The following LAMA1 variants were observed in gnomAD, a reference collection of about 807,000 sequenced individuals.
LAMA1 encodes laminin subunit alpha-1.
Under a neutral mutation model 348.7 loss-of-function variants are expected in LAMA1, and 219 were observed. The ratio of observed to expected loss-of-function variants is 0.63; its 90% CI spans 0.56 to 0.70. The LOEUF is 0.70. Ranked by LOEUF, LAMA1 falls within the 30% of genes least tolerant of loss-of-function variation. The probability of loss-of-function intolerance (pLI) is 0.00; values close to 1 mark genes in which losing one functional copy is unlikely to be tolerated. For missense variants in LAMA1, 3,744 were observed against 3,888.0 expected (o/e 0.96, Z 0.99); for synonymous variants, 1,487 against 1,491.0 (o/e 1.00, Z 0.06).
chr18:7,045,370 T>A (rs540108701), intron 6 of LAMA1, among the ~76,000 whole-genome samples: 1 of 152,016 alleles, frequency 6.6e-6, no homozygotes, highest in South Asian at 2.1e-4. Flanking sequence ...CTCAGGAGGC[T>A]GAAGCAAGAT....
chr18:7,115,814 CA>C (rs557585224), intron 1 of LAMA1, among the ~76,000 whole-genome samples: 10,844 of 94,712 alleles, frequency 0.11, 1,044 homozygotes, highest in African/African-American at 0.27. Flanking sequence ...ACTAAAAATA[CA>C]AAAAAAAAAA....
rs695175 is a variant in LAMA1 at position 6,949,048 on chromosome 18, A to G, written c.8556+53T>C. On this transcript the variant is annotated intron_variant, in intron 59 of 62. Transcript: ENST00000389658. ...TGCCGTGAGGTATGCTCTTCTACAA[A>G]ATAAACACGAACACAACGAAGGTAA... 8.4e-3 allele frequency: 13,488 copies of G among 1,609,876 alleles called. 934 individuals are homozygous for G. The African/African-American group carries it at 0.15, about 18-fold the overall frequency.
chr18:7,061,281 C>T (rs889076423), intron 3 of LAMA1, among the ~76,000 whole-genome samples: 6 of 152,182 alleles, frequency 3.9e-5, no homozygotes, highest in Non-Finnish European at 7.3e-5. Context: ...CTCAAGTTGA[C>T]GAGGTGTTCT....
intron 1 of LAMA1, among the ~76,000 whole-genome samples, chr18:7,085,619 C>A (rs1189780805): frequency 6.6e-6 from 1 of 151,898 alleles, no homozygotes; most frequent in East Asian, 1.9e-4. Flanking sequence ...GGGGTTTCAC[C>A]ACGTTAGCCA....
chr18:6,968,435 T>C (rs569135493), intron 48 of LAMA1, among the ~76,000 whole-genome samples: 40 of 152,238 alleles, frequency 2.6e-4, no homozygotes, highest in African/African-American at 9.1e-4. Flanking sequence ...GCCCATGCAT[T>C]TTCTGCTTTC....
intron 1 of LAMA1, among the ~76,000 whole-genome samples, chr18:7,107,522 C>T (rs1022912303): frequency 3.3e-5 from 5 of 152,068 alleles, no homozygotes; most frequent in Admixed American, 6.5e-5. Flanking sequence ...GGAAGGCAGC[C>T]GAGAACAGGG....
At chr18:7,043,449 C>T (rs201198211) in intron 7 of LAMA1, 44 bp from the exon 8 acceptor site, 3 of 1,535,924 alleles carry the variant, frequency 2.0e-6, no homozygotes, top group Non-Finnish European at 2.7e-6. Flanking sequence ...ACATAGCATG[C>T]CTTATACAAA....
At position 6,966,190 on chromosome 18, in the gene LAMA1, A is replaced by T; in HGVS notation, c.7007T>A (p.Phe2336Tyr). The T allele has an allele frequency of 6.2e-7, 1 of 1,614,150 alleles. No homozygotes were observed. Among genetic ancestry groups the T allele is most frequent in the Non-Finnish European group, 8.5e-7 (1 of 1,180,006 alleles). The change falls in exon 49 of 63, where the codon TTT becomes TAT. Residue 2336 changes from phenylalanine to tyrosine, a missense_variant. Coordinates refer to ENST00000389658, the MANE Select transcript of LAMA1 (RefSeq NM_005559.4). ...GTAGAGAAGAAGTCCATTAGGTGAA[A>T]AGGTATTAAAAAGCATGATTATCTG... ...VTQIIMLFNT[F>Y]SPNGLLLYLG...
At chr18:6,969,816 C>G (rs1474133038) in intron 48 of LAMA1, among the ~76,000 whole-genome samples, 2 of 152,054 alleles carry the variant, frequency 1.3e-5, no homozygotes, top group African/African-American at 4.8e-5. Context: ...AAACATGTGA[C>G]CACCTAAAAA....
intron 3 of LAMA1, among the ~76,000 whole-genome samples, chr18:7,054,115 C>T (rs185938796): frequency 1.6e-3 from 242 of 152,188 alleles, no homozygotes; most frequent in African/African-American, 5.6e-3. Context: ...CCATAATATT[C>T]GACATGCTGG....
At chr18:7,016,718 T>C (rs1466804095) in intron 20 of LAMA1, 47 bp from the exon 21 acceptor site, 1 of 1,503,340 alleles carries the variant, frequency 6.7e-7, no homozygotes, top group African/African-American at 1.4e-5. Flanking sequence ...TACGTTTTAA[T>C]AAATGACTCC....
chr18:7,031,890 C>CAAA (rs374131975), intron 16 of LAMA1, among the ~76,000 whole-genome samples, 176 bp downstream of exon 16: 1,958 of 138,338 alleles, frequency 0.014, 35 homozygotes, highest in African/African-American at 0.045. Context: ...AAAAAAAAAA[C>CAAA]AAAAAAAAAA....
At chr18:7,017,878 A>G (rs999312434) in intron 19 of LAMA1, among the ~76,000 whole-genome samples, 3 of 152,166 alleles carry the variant, frequency 2.0e-5, no homozygotes, top group African/African-American at 7.2e-5. Flanking sequence ...GTCATGAGTC[A>G]TTTGTAGTTT....
chr18:7,004,619 T>C (rs1205343371), intron 29 of LAMA1, among the ~76,000 whole-genome samples: 1 of 152,210 alleles, frequency 6.6e-6, no homozygotes, highest in African/African-American at 2.4e-5. Context: ...CCCAAAGTGT[T>C]GGTATTACAG....
intron 41 of LAMA1, among the ~76,000 whole-genome samples, 197 bp from the exon 42 acceptor site, chr18:6,980,834 C>T: frequency 6.6e-6 from 1 of 152,162 alleles, no homozygotes; most frequent in Non-Finnish European, 1.5e-5. Flanking sequence ...ATGGCTCACG[C>T]CTGTAATCCC....
intron 3 of LAMA1, among the ~76,000 whole-genome samples, chr18:7,060,281 A>G (rs1045433673): frequency 1.3e-5 from 2 of 152,246 alleles, no homozygotes; most frequent in Non-Finnish European, 2.9e-5. Context: ...CTCAACAGAC[A>G]AAAAGAAACA....
intron 36 of LAMA1, among the ~76,000 whole-genome samples, chr18:6,990,064 A>T (rs56168467): frequency 0.19 from 28,968 of 152,214 alleles, 3,388 homozygotes; most frequent in Non-Finnish European, 0.27. Context: ...GTGGTTAATC[A>T]TGTTCAAGTC....
chr18:6,968,840 A>T (rs78042786), intron 48 of LAMA1, among the ~76,000 whole-genome samples: 1 of 152,192 alleles, frequency 6.6e-6, no homozygotes, highest in Non-Finnish European at 1.5e-5. Flanking sequence ...ACAGTCAAAA[A>T]TTTTTTAAAA....
intron 1 of LAMA1, among the ~76,000 whole-genome samples, chr18:7,105,481 C>T (rs28684985): frequency 0.35 from 40,170 of 114,984 alleles, 5,975 homozygotes; most frequent in East Asian, 0.63. Flanking sequence ...AATAAATAAA[C>T]AAACAAGAGC....
Sources: allele counts gnomAD v4.1 joint callset (sites outside exome capture counted in the v4.1 genomes callset), GRCh38; gene constraint gnomAD v4.1.1; transcripts MANE v1.5; gene names NCBI Gene and HGNC (gene_info 2026-07-23, HGNC 2026-07-21).